Variants in INTS3 observed in about 807,000 individuals in gnomAD.
The protein encoded by INTS3 is SOSS complex subunit A.
In INTS3, 34 loss-of-function variants were observed where a neutral mutation model predicts 146.3. The observed-to-expected ratio is 0.23, with a 90% CI of 0.18 to 0.31. The LOEUF (loss-of-function observed/expected upper bound fraction) is 0.31. INTS3 is among the 10% of genes least tolerant of loss of function. The probability of loss-of-function intolerance (pLI) is 1.00; values close to 1 mark genes in which losing one functional copy is unlikely to be tolerated. For synonymous variants in INTS3, 475 were observed against 494.9 expected, an observed-to-expected ratio of 0.96 and a Z score of 0.53; for missense variants, 757 against 1,304.2, an observed-to-expected ratio of 0.58 and a Z score of 6.46.
intron 1 of INTS3, among the ~76,000 whole-genome samples, chr1:153,738,599 A>G (rs1424178103): frequency 1.3e-5 from 2 of 152,214 alleles, no homozygotes; most frequent in Non-Finnish European, 2.9e-5. Context: ...TCACTTGGTT[A>G]AGGTAGTGTC....
rs745315432 is a variant in INTS3 at position 153,772,730 on chromosome 1, T to G, written c.2894+19T>G. ...AGATGAAGTGAGGCTCCTGCCACTT[T>G]GGGCCTTGGAAAGTAGTAGGGGAAA... is the stretch of plus-strand genomic sequence containing the variant. On this transcript the variant is annotated intron_variant, in intron 28 of 29. Coordinates refer to ENST00000318967, the MANE Select transcript of INTS3 (RefSeq NM_023015.5). The surrounding 1 kb of genome is among the most constrained non-coding windows in gnomAD (Gnocchi z 4.6). 1.9e-6 allele frequency: 3 copies of G among 1,611,756 alleles called. No homozygotes were observed. The highest frequency in any genetic ancestry group is 2.5e-6 in the Non-Finnish European group (3 of 1,178,650).
chr1:153,769,002 C>G, intron 22 of INTS3, 41 bp downstream of exon 22: 1 of 1,518,190 alleles, frequency 6.6e-7, no homozygotes, highest in Non-Finnish European at 9.1e-7. Flanking sequence ...ATCTGGGAGG[C>G]AGCATTAGGG....
Position 153,774,221 on chromosome 1 carries a change from C to T in INTS3, c.*951C>T, listed in dbSNP as rs1673045325. 1 of 152,256 alleles carries T rather than the reference C, an allele frequency of 6.6e-6. No homozygotes were observed. The highest frequency in any genetic ancestry group is 1.9e-4 in the East Asian group (1 of 5,198). The allele number at this position is 152,256 out of a possible 1,614,324, so 9.4% of individuals were successfully genotyped here. A position where few individuals can be genotyped will look rare whatever the true frequency, so the allele number is the denominator to read the frequency against. ...CCACTTTTGTCTAGAGCAGAAGGGA[C>T]TTGGCTTTGGCCACTACCCATCCTT... On this transcript the variant is annotated 3_prime_UTR_variant, in exon 30 of 30. Coordinates refer to ENST00000318967, the MANE Select transcript of INTS3 (RefSeq NM_023015.5).
chr1:153,743,851 A>G (rs1267348599), intron 3 of INTS3, among the ~76,000 whole-genome samples: 1 of 152,140 alleles, frequency 6.6e-6, no homozygotes, highest in African/African-American at 2.4e-5. Flanking sequence ...ACTCAGGCCC[A>G]GGCAGCTCTT....
chr1:153,763,770 G>C (rs532217719), intron 16 of INTS3, 62 bp from the exon 17 acceptor site: 2 of 1,383,096 alleles, frequency 1.4e-6, no homozygotes, highest in East Asian at 4.6e-5. Flanking sequence ...TGTTCTGGGT[G>C]TGTGTCCTGC....
chr1:153,747,452 A>G (rs1671792733), intron 5 of INTS3, 89 bp downstream of exon 5: 1 of 996,156 alleles, frequency 1.0e-6, no homozygotes, highest in East Asian at 2.4e-5. Flanking sequence ...TGCCAAAGGG[A>G]TGGAATTCTT....
chr1:153,762,989 C>T, intron 15 of INTS3, 142 bp downstream of exon 15: 1 of 1,169,548 alleles, frequency 8.6e-7, no homozygotes, highest in Non-Finnish European at 1.2e-6. Context: ...GATGAGACTC[C>T]AGAATGCAGA....
chr1:153,748,937 A>G (rs1312719612), intron 6 of INTS3, among the ~76,000 whole-genome samples, 182 bp downstream of exon 6: 2 of 152,192 alleles, frequency 1.3e-5, no homozygotes, highest in African/African-American at 4.8e-5. Flanking sequence ...CCAAGGAATG[A>G]AGGAATGGGA....
At chr1:153,773,102 C>A (rs775028553) in intron 29 of INTS3, 21 bp downstream of exon 29, 41 of 1,613,992 alleles carry the variant, frequency 2.5e-5, no homozygotes, top group Non-Finnish European at 3.2e-5. Flanking sequence ...AGCCAGTGCA[C>A]AGGGGGAAAA....
intron 12 of INTS3, 178 bp downstream of exon 12, chr1:153,760,568 G>C (rs1672347229): frequency 1.6e-6 from 1 of 631,308 alleles, no homozygotes; most frequent in East Asian, 2.7e-5. Flanking sequence ...GTCTGCACTT[G>C]GATCTTCCCA....
chr1:153,765,482 A>G (rs549314572), intron 20 of INTS3, among the ~76,000 whole-genome samples: 27 of 152,096 alleles, frequency 1.8e-4, no homozygotes, highest in Admixed American at 2.6e-4. Context: ...GGCATGCGCC[A>G]TCACGCCCAG....
intron 3 of INTS3, among the ~76,000 whole-genome samples, chr1:153,744,072 TGTGTG>T (rs1671639841): frequency 6.6e-6 from 1 of 150,468 alleles, no homozygotes; most frequent in East Asian, 1.9e-4. Context: ...TGTGTGTGTG[TGTGTG>T]TGTGTTTCAT....
chr1:153,772,990 G>A lies in INTS3; in HGVS notation c.2960G>A (p.Arg987Gln). The change falls in exon 29 of 30, where the codon CGG becomes CAG. Residue 987 changes from arginine (R) to glutamine (Q), a missense_variant. Physicochemically the swap from Arg to Gln is conservative, Grantham distance 43. Around this residue, in one of 8 missense-constraint regions of INTS3, gnomAD observed 125 missense variants for 165.6 expected, o/e 0.75. Transcript: ENST00000318967. This position sits in a 1 kb window ranked among gnomAD's most constrained non-coding sequence, Gnocchi z 4.6. ...EDSSTKPPKS[R>Q]RKAALSSPRS... ...TCTTCCACCAAGCCACCCAAGAGCCGGCGAAAAGCAGCTCTGTCCAGCCCT... is the reference window on the plus strand; with the variant it reads ...TCTTCCACCAAGCCACCCAAGAGCCAGCGAAAAGCAGCTCTGTCCAGCCCT... 1 of 1,614,160 alleles carries A rather than the reference G, an allele frequency of 6.2e-7. No individual in the cohort carries two copies. The highest frequency in any genetic ancestry group is 8.5e-7 in the Non-Finnish European group (1 of 1,180,028).
intron 22 of INTS3, among the ~76,000 whole-genome samples, chr1:153,769,272 C>T (rs1224042857): frequency 1.3e-5 from 2 of 152,174 alleles, no homozygotes; most frequent in African/African-American, 2.4e-5. Flanking sequence ...TCCTTTGGCT[C>T]GGAATGAAAA....
intron 20 of INTS3, among the ~76,000 whole-genome samples, chr1:153,765,401 G>A (rs1242965053): frequency 6.6e-6 from 1 of 151,886 alleles, no homozygotes; most frequent in Non-Finnish European, 1.5e-5. Flanking sequence ...TTGTTGCCCA[G>A]GATGGTCTCA....
intron 23 of INTS3, 65 bp from the exon 24 acceptor site, chr1:153,770,133 G>C (rs1672777732): frequency 1.5e-6 from 1 of 656,678 alleles, no homozygotes; most frequent in African/African-American, 2.3e-5. Flanking sequence ...GGGGTGGGGG[G>C]GGTGTGTGTG....
chr1:153,731,806 C>T (rs1467088116), intron 1 of INTS3, among the ~76,000 whole-genome samples: 2 of 150,758 alleles, frequency 1.3e-5, no homozygotes, highest in African/African-American at 4.9e-5. Context: ...AGGATGGTCT[C>T]TATCTCCTGA....
intron 1 of INTS3, among the ~76,000 whole-genome samples, chr1:153,734,612 G>C (rs1480209540): frequency 6.6e-6 from 1 of 152,162 alleles, no homozygotes; most frequent in Non-Finnish European, 1.5e-5. Flanking sequence ...CGGGAGCTAG[G>C]GAAGGGGCCT....
intron 20 of INTS3, chr1:153,767,329 C>T (rs1452593454): frequency 8.5e-6 from 2 of 235,132 alleles, no homozygotes; most frequent in African/African-American, 2.3e-5. Context: ...TGTGAGGTGT[C>T]ACTGCCCTCA....
Sources: gnomAD v4.1 joint callset for allele counts (sites outside exome capture counted in the v4.1 genomes callset) on GRCh38, gnomAD v4.1.1 for gene constraint, gnomAD v4.1.1 regional missense constraint, Gnocchi (gnomAD v3.1) non-coding constraint, MANE v1.5 for transcripts, NCBI Gene and HGNC (gene_info 2026-07-23, HGNC 2026-07-21) for gene names.